CNTN4: variants seen among roughly 807,000 people sequenced by gnomAD.
CNTN4 encodes the protein contactin 4.
CNTN4 carries 77 observed loss-of-function variants against 122.5 expected under a neutral mutation model. The ratio of observed to expected loss-of-function variants is 0.63; its 90% CI spans 0.52 to 0.76. CNTN4 has a LOEUF of 0.76. Ranked by LOEUF, CNTN4 falls within the 30% of genes least tolerant of loss-of-function variation. The pLI, the probability that CNTN4 is intolerant of heterozygous loss-of-function variation, is 0.00. For missense variants in CNTN4, 1,256 were observed against 1,259.1 expected (o/e 1.00, Z 0.04); for synonymous variants, 512 against 447.0 (o/e 1.15, Z -1.83).
At chr3:2,338,514 T>G (rs79007158) in intron 2 of CNTN4, among the ~76,000 whole-genome samples, 1 of 152,038 alleles carries the variant, frequency 6.6e-6, no homozygotes, top group South Asian at 2.1e-4. Context: ...AAGTGATCTA[T>G]AGCAGAAACT....
At position 2,229,057 on chromosome 3, in the gene CNTN4, T is replaced by C. The variant is rs576611358; in HGVS notation, c.-144-110121T>C. ...TGAGGACGCTAATGCATTAGCCTTGTAGAATTGGCCTATAGGGACTTTCTC... is the reference window on the plus strand; with the variant it reads ...TGAGGACGCTAATGCATTAGCCTTGCAGAATTGGCCTATAGGGACTTTCTC... On this transcript the variant is annotated intron_variant, in intron 2 of 24. Transcript: ENST00000418658. 9.2e-5 allele frequency among the ~76,000 whole-genome samples: 14 copies of C among 152,312 alleles called. No individual in the cohort carries two copies. In the South Asian group the frequency reaches 2.9e-3, roughly 32 times the overall value.
chr3:3,034,820 A>T (rs755846754), intron 17 of CNTN4, 30 bp downstream of exon 17: 3 of 1,613,038 alleles, frequency 1.9e-6, no homozygotes, highest in Non-Finnish European at 2.5e-6. Flanking sequence ...GCTCAGAGAC[A>T]TTGGGAACTC....
intron 2 of CNTN4, among the ~76,000 whole-genome samples, chr3:2,149,803 C>T (rs1048197163): frequency 6.6e-6 from 1 of 152,018 alleles, no homozygotes; most frequent in Non-Finnish European, 1.5e-5. Context: ...TGTGCAACTA[C>T]AGGTTGTGTA....
chr3:2,778,432 T>A (rs1476475095), intron 6 of CNTN4, among the ~76,000 whole-genome samples: 1 of 142,072 alleles, frequency 7.0e-6, no homozygotes, highest in African/African-American at 2.5e-5. Context: ...AAAAGCAAGT[T>A]CTCACCAGAA....
At chr3:2,121,056 G>T (rs1300881108) in intron 2 of CNTN4, among the ~76,000 whole-genome samples, 1 of 151,890 alleles carries the variant, frequency 6.6e-6, no homozygotes, top group East Asian at 1.9e-4. Flanking sequence ...TTGACTTTGT[G>T]AATTTTAATG....
intron 6 of CNTN4, among the ~76,000 whole-genome samples, chr3:2,791,763 G>A (rs919811550): frequency 4.6e-5 from 7 of 152,160 alleles, no homozygotes; most frequent in African/African-American, 1.7e-4. Flanking sequence ...TGCCTCTAGG[G>A]GTTTTAGGGA....
At chr3:2,704,296 C>CAAAA (rs151155380) in intron 4 of CNTN4, among the ~76,000 whole-genome samples, 2 of 69,508 alleles carry the variant, frequency 2.9e-5, no homozygotes, top group Non-Finnish European at 5.3e-5. Context: ...GACTTCATTT[C>CAAAA]AAAAAAAAAA....
intron 14 of CNTN4, among the ~76,000 whole-genome samples, chr3:3,025,719 C>T (rs1295475735): frequency 6.6e-6 from 1 of 152,094 alleles, no homozygotes. Context: ...ATGGATTTTT[C>T]CTGTTTGCAC....
intron 4 of CNTN4, among the ~76,000 whole-genome samples, chr3:2,593,349 A>G (rs2149679884): frequency 6.6e-6 from 1 of 152,258 alleles, no homozygotes; most frequent in East Asian, 1.9e-4. Flanking sequence ...AAATGAATCT[A>G]CCTCTGTTAA....
intron 3 of CNTN4, among the ~76,000 whole-genome samples, chr3:2,350,456 C>T (rs1024613968): frequency 6.6e-5 from 10 of 152,136 alleles, no homozygotes; most frequent in African/African-American, 2.4e-4. Context: ...TCAAAAAGTA[C>T]ACAAGGACAG....
intron 12 of CNTN4, among the ~76,000 whole-genome samples, chr3:2,922,172 C>T (rs2094435750): frequency 6.6e-6 from 1 of 152,212 alleles, no homozygotes; most frequent in Non-Finnish European, 1.5e-5. Flanking sequence ...TTCTGAGCTA[C>T]TAGAAACTAC....
chr3:2,386,174 A>G (rs2046250458), intron 3 of CNTN4, among the ~76,000 whole-genome samples: 3 of 152,090 alleles, frequency 2.0e-5, no homozygotes, highest in Non-Finnish European at 4.4e-5. Context: ...CCAGAAGGGA[A>G]AAATGAGTGC....
At chr3:2,160,406 C>A (rs900245033) in intron 2 of CNTN4, among the ~76,000 whole-genome samples, 6 of 152,070 alleles carry the variant, frequency 3.9e-5, no homozygotes, top group African/African-American at 1.4e-4. Context: ...AACTCCATGT[C>A]CTGGATGGCC....
intron 3 of CNTN4, among the ~76,000 whole-genome samples, chr3:2,386,594 A>G (rs79741114): frequency 6.6e-6 from 1 of 152,212 alleles, no homozygotes; most frequent in East Asian, 1.9e-4. Flanking sequence ...AGAGAAGCAA[A>G]TATCACATGT....
In CNTN4 at chr3:2,654,513, C is replaced by T. The variant is rs571073077; in HGVS notation, c.56-81702C>T. ...TTTATATACCGTGTTTCTCTCTTTT[C>T]TCCAACACTTAATAAGGCCAACCCA... On this transcript the variant is annotated intron_variant, in intron 4 of 24. Coordinates refer to ENST00000418658, the MANE Select transcript of CNTN4 (RefSeq NM_175607.3). Among the ~76,000 whole-genome samples the T allele has an allele frequency of 5.3e-5, 8 of 152,224 alleles. No homozygotes were observed. The East Asian group carries it at 1.2e-3, about 22-fold the overall frequency.
At chr3:2,805,693 G>A (rs778101028) in intron 6 of CNTN4, among the ~76,000 whole-genome samples, 44 of 152,194 alleles carry the variant, frequency 2.9e-4, no homozygotes, top group Non-Finnish European at 3.8e-4. Flanking sequence ...GGCCGAGGTG[G>A]AGATTGAGAG....
chr3:2,494,554 T>A (rs1021776707), intron 3 of CNTN4, among the ~76,000 whole-genome samples: 2 of 152,124 alleles, frequency 1.3e-5, no homozygotes, highest in African/African-American at 2.4e-5. Flanking sequence ...CTGGTAAATG[T>A]CTCTTATCAG....
chr3:2,858,698 C>A lies in CNTN4; in HGVS notation c.455-8054C>A, dbSNP rs1016108481. On this transcript the variant is annotated intron_variant, in intron 7 of 24. Transcript: ENST00000418658. ...CTCCAGCCTGAGTGACAGAGTGAGA[C>A]CCTGTCTCAGAAAAAAAAAAAGAAA... Among the ~76,000 whole-genome samples, 3 of 150,412 alleles carry A rather than the reference C, an allele frequency of 2.0e-5. 1 individual carries two copies. Among genetic ancestry groups the A allele is most frequent in the South Asian group, 4.2e-4 (2 of 4,766 alleles).
At chr3:2,535,410 T>G (rs1359315390) in intron 3 of CNTN4, among the ~76,000 whole-genome samples, 2 of 152,192 alleles carry the variant, frequency 1.3e-5, no homozygotes, top group African/African-American at 2.4e-5. Context: ...GATCATAGGC[T>G]TCTTCTGTGT....
Sources: allele counts gnomAD v4.1 joint callset (sites outside exome capture counted in the v4.1 genomes callset), GRCh38; gene constraint gnomAD v4.1.1; transcripts MANE v1.5; gene names NCBI Gene and HGNC (gene_info 2026-07-23, HGNC 2026-07-21).